HCN1: variants seen among roughly 807,000 people sequenced by gnomAD.
HCN1 encodes hyperpolarization activated cyclic nucleotide gated potassium channel 1.
In HCN1, 13 loss-of-function variants were observed where a neutral mutation model predicts 78.9. That is an observed-to-expected ratio of 0.16 (90% confidence interval 0.11 to 0.26). HCN1 has a LOEUF of 0.26. HCN1 is among the 10% of genes least tolerant of loss of function. HCN1 has a pLI of 1.00. For synonymous variants in HCN1, 552 were observed against 455.5 expected, an observed-to-expected ratio of 1.21 and a Z score of -2.70; for missense variants, 810 against 1,154.3, an observed-to-expected ratio of 0.70 and a Z score of 4.32.
intron 2 of HCN1, among the ~76,000 whole-genome samples, chr5:45,597,095 CT>C (rs1308369408): frequency 1.3e-5 from 2 of 152,096 alleles, no homozygotes; most frequent in African/African-American, 2.4e-5. Context: ...ATACCAAAGC[CT>C]AGCAGAGACA....
chr5:45,264,986 C>A (rs1252289101), intron 7 of HCN1, among the ~76,000 whole-genome samples: 1 of 152,000 alleles, frequency 6.6e-6, no homozygotes, highest in African/African-American at 2.4e-5. Flanking sequence ...GTTAGGAGGT[C>A]AAGACCGTCC....
intron 2 of HCN1, among the ~76,000 whole-genome samples, chr5:45,609,611 C>A (rs1744793330): frequency 6.6e-6 from 1 of 152,086 alleles, no homozygotes; most frequent in African/African-American, 2.4e-5. Flanking sequence ...GCTACAACAT[C>A]ATTTCTACCT....
At chr5:45,321,628 T>A (rs2111936719) in intron 5 of HCN1, among the ~76,000 whole-genome samples, 1 of 151,254 alleles carries the variant, frequency 6.6e-6, no homozygotes, top group East Asian at 2.0e-4. Flanking sequence ...CTAATACCTA[T>A]TTTTTTTGCT....
chr5:45,696,051 C>T lies in HCN1; in HGVS notation c.43G>A (p.Asp15Asn). ...GCGGGGAAGACGCTGTTGCCATCGT[C>T]CCGGCTGTTAGACGAAGAGTTGGGC... ...GKPNSSSNSR[D>N]DGNSVFPAKA... The change falls in exon 1 of 8, where the codon GAC (aspartate) becomes AAC (asparagine). Residue 15 changes from aspartate (D) to asparagine (N), a missense_variant. Asp to Asn is a conservative substitution (Grantham distance 23). Around this residue, in one of 6 missense-constraint regions of HCN1, gnomAD observed 170 missense variants for 166.8 expected, o/e 1.02. Coordinates refer to ENST00000303230, the MANE Select transcript of HCN1 (RefSeq NM_021072.4). The T allele has an allele frequency of 7.4e-7, 1 of 1,353,818 alleles. No homozygotes were observed. Among genetic ancestry groups the T allele is most frequent in the Non-Finnish European group, 9.6e-7 (1 of 1,043,226 alleles). 83.9% of individuals were successfully genotyped at this position (1,353,818 alleles called of 1,614,324 possible).
chr5:45,432,737 A>G (rs2112078660), intron 3 of HCN1, among the ~76,000 whole-genome samples: 1 of 152,266 alleles, frequency 6.6e-6, no homozygotes, highest in South Asian at 2.1e-4. Flanking sequence ...ATATATTGAG[A>G]TAATCACGTG....
intron 3 of HCN1, among the ~76,000 whole-genome samples, chr5:45,413,877 T>C (rs1740069200): frequency 6.6e-6 from 1 of 152,024 alleles, no homozygotes; most frequent in African/African-American, 2.4e-5. Context: ...TAATAAATTA[T>C]CTTTTTTTAG....
intron 2 of HCN1, among the ~76,000 whole-genome samples, chr5:45,544,823 T>C (rs933692059): frequency 3.4e-4 from 52 of 152,178 alleles, no homozygotes; most frequent in Non-Finnish European, 3.1e-4. Flanking sequence ...TATGTATGTG[T>C]CACATTTTCT....
chr5:45,311,282 A>G (rs1745847435), intron 5 of HCN1, among the ~76,000 whole-genome samples: 1 of 152,200 alleles, frequency 6.6e-6, no homozygotes. Context: ...TTCTCTCTCC[A>G]AGGAATATTA....
In HCN1 at chr5:45,405,552, C is replaced by T. The variant is rs372024656; in HGVS notation, c.1012-8842G>A. Among the ~76,000 whole-genome samples the T allele has an allele frequency of 1.4e-4, 21 of 152,154 alleles. No individual in the cohort carries two copies. The East Asian group carries it at 2.5e-3, about 18-fold the overall frequency. Reference sequence around the variant, plus strand: ...CCTCCTGAGTAGCTAGGACTATACACGTGCACCAACATGACCAGCTTATGT... The same window carrying T: ...CCTCCTGAGTAGCTAGGACTATACATGTGCACCAACATGACCAGCTTATGT... On this transcript the variant is annotated intron_variant, in intron 3 of 7. Coordinates refer to ENST00000303230, the MANE Select transcript of HCN1 (RefSeq NM_021072.4).
intron 5 of HCN1, among the ~76,000 whole-genome samples, chr5:45,312,534 C>T (rs961793236): frequency 6.6e-6 from 1 of 152,124 alleles, no homozygotes; most frequent in Non-Finnish European, 1.5e-5. Context: ...ACAGTGGGTG[C>T]AGCCCACTGA....
At chr5:45,587,199 G>A (rs922299153) in intron 2 of HCN1, among the ~76,000 whole-genome samples, 15 of 152,110 alleles carry the variant, frequency 9.9e-5, no homozygotes, top group Non-Finnish European at 5.9e-5. Context: ...CCATTACTGG[G>A]TATATACCCA....
chr5:45,464,014 G>C (rs1741219569), intron 2 of HCN1, among the ~76,000 whole-genome samples: 1 of 152,020 alleles, frequency 6.6e-6, no homozygotes, highest in Admixed American at 6.6e-5. Context: ...TCAATTATCA[G>C]GCTTTAGAGT....
At chr5:45,575,630 C>T (rs143967562) in intron 2 of HCN1, 1 of 152,102 alleles carries the variant, frequency 6.6e-6, no homozygotes, top group African/African-American at 2.4e-5. Flanking sequence ...AATAAAATAA[C>T]AAAGCTTGGA....
intron 5 of HCN1, among the ~76,000 whole-genome samples, chr5:45,337,439 C>T (rs1220020102): frequency 2.0e-5 from 3 of 152,056 alleles, no homozygotes; most frequent in Admixed American, 6.6e-5. Context: ...CATCACTTTT[C>T]TTATCCATAT....
intron 7 of HCN1, 74 bp from the exon 8 acceptor site, chr5:45,262,884 C>T: frequency 2.6e-6 from 4 of 1,511,462 alleles, no homozygotes; most frequent in Non-Finnish European, 2.7e-6. Flanking sequence ...AGAGTGGCTC[C>T]TGCAAACAGA....
intron 3 of HCN1, among the ~76,000 whole-genome samples, chr5:45,401,492 G>A (rs956407652): frequency 1.3e-5 from 2 of 151,948 alleles, no homozygotes; most frequent in Admixed American, 6.6e-5. Flanking sequence ...ATTTCAATTA[G>A]TTTATGTAGG....
At chr5:45,317,750 C>A (rs560550697) in intron 5 of HCN1, among the ~76,000 whole-genome samples, 2 of 152,004 alleles carry the variant, frequency 1.3e-5, no homozygotes, top group East Asian at 3.9e-4. Context: ...AAAAAGTGGG[C>A]GAAGGATATG....
At chr5:45,670,619 A>G (rs933434723) in intron 1 of HCN1, among the ~76,000 whole-genome samples, 9 of 151,802 alleles carry the variant, frequency 5.9e-5, no homozygotes, top group African/African-American at 2.2e-4. Flanking sequence ...CGAAGTCTCA[A>G]TTTACTCTGC....
At chr5:45,640,797 A>T (rs1392686559) in intron 2 of HCN1, among the ~76,000 whole-genome samples, 2 of 150,334 alleles carry the variant, frequency 1.3e-5, no homozygotes, top group Non-Finnish European at 3.0e-5. Flanking sequence ...CTGGTCTCGA[A>T]CTCCTGACTT....
Sources: allele counts gnomAD v4.1 joint callset (sites outside exome capture counted in the v4.1 genomes callset), GRCh38; gene constraint gnomAD v4.1.1; regional missense constraint gnomAD v4.1.1; transcripts MANE v1.5; gene names NCBI Gene and HGNC (gene_info 2026-07-23, HGNC 2026-07-21).